ROBO2: variants seen among roughly 807,000 people sequenced by gnomAD.
ROBO2 encodes roundabout homolog 2.
Under a neutral mutation model 160.8 loss-of-function variants are expected in ROBO2, and 53 were observed. The observed-to-expected ratio is 0.33, with a 90% CI of 0.26 to 0.41. The LOEUF (loss-of-function observed/expected upper bound fraction) is 0.41, where lower values mean the gene tolerates loss of function less well. Ranked by LOEUF, ROBO2 falls within the 10% of genes least tolerant of loss-of-function variation. ROBO2 has a pLI of 1.00. For missense variants in ROBO2, 1,577 were observed against 1,722.4 expected (o/e 0.92, Z 1.49); for synonymous variants, 664 against 611.7 (o/e 1.09, Z -1.26).
At chr3:75,924,584 C>G (rs1450182120) in intron 1 of ROBO2, among the ~76,000 whole-genome samples, 8 of 150,662 alleles carry the variant, frequency 5.3e-5, no homozygotes, top group Non-Finnish European at 4.4e-5. Flanking sequence ...TTATTATGAG[C>G]AGTAAGAAAC....
At chr3:77,103,831 T>C (rs2072397439) in intron 2 of ROBO2, among the ~76,000 whole-genome samples, 1 of 152,190 alleles carries the variant, frequency 6.6e-6, no homozygotes, top group African/African-American at 2.4e-5. Context: ...AGAAGTAGAC[T>C]GACTTTAGTA....
chr3:76,681,325 AAAT>A (rs2092556361), intron 2 of ROBO2, among the ~76,000 whole-genome samples: 1 of 152,170 alleles, frequency 6.6e-6, no homozygotes, highest in African/African-American at 2.4e-5. Context: ...AGAGGCACGG[AAAT>A]AATAATTTTT....
chr3:76,565,494 T>C (rs1166702195), intron 2 of ROBO2, among the ~76,000 whole-genome samples: 1 of 152,228 alleles, frequency 6.6e-6, no homozygotes, highest in East Asian at 1.9e-4. Context: ...TAAAACTGTC[T>C]GTCGTACCTA....
chr3:76,258,467 A>T (rs546120653), intron 2 of ROBO2, among the ~76,000 whole-genome samples: 1 of 152,162 alleles, frequency 6.6e-6, no homozygotes, highest in South Asian at 2.1e-4. Flanking sequence ...CACATTATTT[A>T]AACTTTTACG....
At chr3:76,251,445 T>C (rs1204215433) in intron 2 of ROBO2, among the ~76,000 whole-genome samples, 1 of 152,080 alleles carries the variant, frequency 6.6e-6, no homozygotes, top group African/African-American at 2.4e-5. Flanking sequence ...AAATCTACAG[T>C]TATATCCAGA....
At chr3:77,303,559 A>G (rs2062835150) in intron 2 of ROBO2, among the ~76,000 whole-genome samples, 1 of 152,150 alleles carries the variant, frequency 6.6e-6, no homozygotes, top group Non-Finnish European at 1.5e-5. Context: ...TGCATTCACA[A>G]TGCTTATATT....
At position 76,168,840 on chromosome 3, in the gene ROBO2, C is replaced by T. The variant is rs541028471; in HGVS notation, c.109+231238C>T. Among the ~76,000 whole-genome samples, 3 of 149,582 alleles carry T rather than the reference C, an allele frequency of 2.0e-5. No homozygotes were observed. The South Asian group carries it at 6.4e-4, about 32-fold the overall frequency. On this transcript the variant is annotated intron_variant, in intron 2 of 26. Transcript: ENST00000487694. ...AAGTGATCAGAAGAATAATAACCTG[C>T]CTTAATGGAAATTGTGAATATTGAT...
intron 2 of ROBO2, among the ~76,000 whole-genome samples, chr3:76,360,922 G>A (rs1198904562): frequency 6.6e-6 from 1 of 151,898 alleles, no homozygotes; most frequent in Non-Finnish European, 1.5e-5. Context: ...GACTTTGTGA[G>A]GATATAGTGA....
At chr3:77,603,184 C>T (rs942259798) in intron 20 of ROBO2, 2 of 413,406 alleles carry the variant, frequency 4.8e-6, no homozygotes, top group Admixed American at 2.5e-5. Context: ...CAAATGACAA[C>T]AGTTTATGCT....
chr3:76,570,627 A>C (rs2108595581), intron 2 of ROBO2, among the ~76,000 whole-genome samples: 1 of 152,304 alleles, frequency 6.6e-6, no homozygotes, highest in Non-Finnish European at 1.5e-5. Context: ...TCTATTTGCT[A>C]AGCTTTTTTT....
At chr3:77,214,025 T>C (rs1280064766) in intron 2 of ROBO2, among the ~76,000 whole-genome samples, 1 of 152,082 alleles carries the variant, frequency 6.6e-6, no homozygotes, top group Non-Finnish European at 1.5e-5. Context: ...GGAATAGGTG[T>C]GGTGTGGTGC....
intron 16 of ROBO2, among the ~76,000 whole-genome samples, chr3:77,584,709 G>A (rs2093998894): frequency 6.6e-6 from 1 of 151,852 alleles, no homozygotes; most frequent in Non-Finnish European, 1.5e-5. Context: ...CATTCAGACT[G>A]AATTAATTCC....
At chr3:76,472,672 A>T (rs2078727959) in intron 2 of ROBO2, among the ~76,000 whole-genome samples, 1 of 152,212 alleles carries the variant, frequency 6.6e-6, no homozygotes, top group African/African-American at 2.4e-5. Flanking sequence ...TTAAATGTTT[A>T]AATGTCACAT....
intron 2 of ROBO2, among the ~76,000 whole-genome samples, chr3:76,520,528 A>G (rs559563966): frequency 1.3e-5 from 2 of 152,324 alleles, no homozygotes; most frequent in South Asian, 2.1e-4. Flanking sequence ...CAGAGTGCTT[A>G]TAGTCACTGG....
At chr3:76,705,518 G>A (rs1053286298) in intron 2 of ROBO2, among the ~76,000 whole-genome samples, 3 of 152,058 alleles carry the variant, frequency 2.0e-5, no homozygotes, top group African/African-American at 4.8e-5. Context: ...AAGATGACAA[G>A]TAAAAAAGGC....
intron 2 of ROBO2, among the ~76,000 whole-genome samples, chr3:76,456,476 A>C (rs1304707724): frequency 1.3e-5 from 2 of 152,196 alleles, no homozygotes; most frequent in African/African-American, 4.8e-5. Context: ...CAAAGATGAG[A>C]TCAAAGTACC....
chr3:77,183,066 G>A (rs1474916007), intron 2 of ROBO2, among the ~76,000 whole-genome samples: 1 of 152,036 alleles, frequency 6.6e-6, no homozygotes, highest in Non-Finnish European at 1.5e-5. Context: ...GACTGTCTCT[G>A]TAATTTCATA....
intron 2 of ROBO2, among the ~76,000 whole-genome samples, chr3:76,364,646 T>C (rs2075708954): frequency 6.6e-6 from 1 of 152,058 alleles, no homozygotes; most frequent in Non-Finnish European, 1.5e-5. Context: ...GTTTTATTCC[T>C]AGGAAATATC....
intron 2 of ROBO2, among the ~76,000 whole-genome samples, chr3:76,562,012 C>T (rs2084211751): frequency 1.3e-5 from 2 of 152,050 alleles, no homozygotes; most frequent in South Asian, 4.1e-4. Flanking sequence ...ACATCTGCCC[C>T]TGTCATTTAC....
Sources: allele counts gnomAD v4.1 joint callset (sites outside exome capture counted in the v4.1 genomes callset), GRCh38; gene constraint gnomAD v4.1.1; transcripts MANE v1.5; gene names NCBI Gene and HGNC (gene_info 2026-07-23, HGNC 2026-07-21).